Variants in URB1 observed in about 807,000 individuals in gnomAD.
URB1 encodes the protein URB1 ribosome biogenesis factor, also known as nucleolar pre-ribosomal-associated protein 1.
A neutral mutation model predicts 242.3 loss-of-function variants in URB1; 197 were observed. That is an observed-to-expected ratio of 0.81 (90% CI 0.72 to 0.91). The LOEUF is 0.91. URB1 is among the 40% of genes least tolerant of loss of function. The probability of loss-of-function intolerance (pLI) is 0.00; values close to 1 mark genes in which losing one functional copy is unlikely to be tolerated. For synonymous variants in URB1, 1,153 were observed against 1,201.8 expected (o/e 0.96, Z 0.84); for missense variants, 2,721 against 2,860.5 (o/e 0.95, Z 1.11).
Position 32,368,446 on chromosome 21 carries a change from C to T in URB1, c.1154G>A (p.Arg385Gln), listed in dbSNP as rs768413956. ...ATTATTTAACCAAGTAGACTTCGCT[C>T]GTGGGATAAAGGAAAACGTTACTTC... ...FKEVTFSFIP[R>Q]AKSTWLNNIK... The change falls in exon 9 of 39, where the codon CGA becomes CAA. Residue 385 changes from arginine (R) to glutamine (Q), a missense_variant. Physicochemically the swap from Arg to Gln is conservative, Grantham distance 43. Coordinates refer to ENST00000382751, the MANE Select transcript of URB1 (RefSeq NM_014825.3). The T allele has an allele frequency of 3.9e-6, 6 of 1,550,250 alleles. No homozygotes were observed. The highest frequency in any genetic ancestry group is 2.4e-5 in the South Asian group (2 of 83,598).
At chr21:32,378,296 G>A (rs1304090984) in intron 5 of URB1, 149 bp downstream of exon 5, 9 of 677,962 alleles carry the variant, frequency 1.3e-5, no homozygotes, top group African/African-American at 3.6e-5. Context: ...CTTTGCACCC[G>A]CTCACCCACC....
intron 36 of URB1, among the ~76,000 whole-genome samples, chr21:32,318,940 G>A (rs1282462202): frequency 2.0e-5 from 3 of 152,014 alleles, no homozygotes; most frequent in Non-Finnish European, 2.9e-5. Flanking sequence ...AAATGACCTC[G>A]TACGATGCAC....
chr21:32,349,495 A>C lies in URB1; in HGVS notation c.2833-12T>G. 6.5e-7 allele frequency: 1 copy of C among 1,536,458 alleles called. No individual in the cohort carries two copies. The highest frequency in any genetic ancestry group is 1.4e-5 in the African/African-American group (1 of 72,568). On this transcript the variant is annotated splice_polypyrimidine_tract_variant and intron_variant, in intron 20 of 38. Transcript: ENST00000382751. ...ACACTTCTGCCCAGCTGTGAGGACA[A>C]GAGCACGAGCCTCAGCAGGGAAGAG...
chr21:32,375,021 A>C (rs182964473), intron 6 of URB1, among the ~76,000 whole-genome samples: 8 of 152,364 alleles, frequency 5.3e-5, no homozygotes, highest in Admixed American at 3.9e-4. Context: ...AGATGCTTGC[A>C]AAAGGCAGAA....
chr21:32,349,171 T>C, intron 21 of URB1, 133 bp downstream of exon 21: 1 of 1,258,166 alleles, frequency 7.9e-7, no homozygotes. Flanking sequence ...AGGAAGTTTT[T>C]ATGATCTCTG....
chr21:32,364,762 A>G (rs2033326743), intron 10 of URB1, among the ~76,000 whole-genome samples: 1 of 151,178 alleles, frequency 6.6e-6, no homozygotes, highest in Non-Finnish European at 1.5e-5. Flanking sequence ...TATGCTTTAA[A>G]AGTTTTTTAG....
chr21:32,328,761 C>T (rs902130653), intron 30 of URB1, among the ~76,000 whole-genome samples: 5 of 152,184 alleles, frequency 3.3e-5, no homozygotes, highest in African/African-American at 1.2e-4. Context: ...GTTTTGTGCT[C>T]ATCTCTGCTA....
chr21:32,389,234 C>T (rs1456257003), intron 1 of URB1, among the ~76,000 whole-genome samples: 2 of 152,080 alleles, frequency 1.3e-5, no homozygotes, highest in East Asian at 1.9e-4. Flanking sequence ...CTGGAGGGTA[C>T]ACTGGAGCCA....
Position 32,338,724 on chromosome 21 carries a change from G to A in URB1, c.4493C>T (p.Pro1498Leu), listed in dbSNP as rs747720486. 1.0e-5 allele frequency: 16 copies of A among 1,551,232 alleles called. 1 individual carries two copies. The highest frequency in any genetic ancestry group is 7.1e-5 in the South Asian group (6 of 84,020). The part of the protein sequence containing the change: ...TLLTSDGEES[P>L]DSQVKEALVD... ...GGGGTCACCTTTTACTTGGCTGTCC[G>A]GGCTCTCCTCTCCGTCAGACGTCAG... Residue 1498 changes from proline (P) to leucine (L), a missense_variant, in exon 26 of 39, where the codon CCG becomes CTG. Transcript: ENST00000382751.
At chr21:32,364,922 G>GTGGCCC (rs113081063) in intron 10 of URB1, among the ~76,000 whole-genome samples, 4,974 of 152,364 alleles carry the variant, frequency 0.033, 264 homozygotes, top group African/African-American at 0.11. Context: ...GCTGGGCTCA[G>GTGGCCC]TGGCCCTGGC....
chr21:32,337,284 C>T lies in URB1; in HGVS notation c.4621+120G>A, dbSNP rs1423855383. 9.8e-6 allele frequency: 13 copies of T among 1,332,324 alleles called. No homozygotes were observed. In the East Asian group the frequency reaches 1.3e-4, roughly 13 times the overall value. 82.5% of individuals were successfully genotyped at this position (1,332,324 alleles called of 1,614,324 possible). Reference sequence around the variant, plus strand: ...CCTCATATCTTCACCCTGCTTGCACCGCCTGGTCTCACTGTCTCCTCCTGC... The same window carrying T: ...CCTCATATCTTCACCCTGCTTGCACTGCCTGGTCTCACTGTCTCCTCCTGC... On this transcript the variant is annotated intron_variant, in intron 27 of 38. Transcript: ENST00000382751.
At chr21:32,322,159 A>G (rs1480650967) in intron 33 of URB1, among the ~76,000 whole-genome samples, 1 of 152,254 alleles carries the variant, frequency 6.6e-6, no homozygotes, top group African/African-American at 2.4e-5. Flanking sequence ...CTGAAGTCAG[A>G]TAAGTATTCT....
At position 32,352,828 on chromosome 21, in the gene URB1, A is replaced by C; in HGVS notation, c.2495T>G (p.Leu832Arg). 1 of 1,551,708 alleles carries C rather than the reference A, an allele frequency of 6.4e-7. No individual in the cohort carries two copies. Among genetic ancestry groups the C allele is most frequent in the Non-Finnish European group, 8.7e-7 (1 of 1,147,000 alleles). ...AAGCTTATCATATGCCTGGAGCAGG[A>C]GACACAGAGCCAGGGGGTCCCTCTG... ...HTQRDPLALC[L>R]LLQAYDKLEP... Residue 832 changes from leucine (L) to arginine (R), a missense_variant, in exon 19 of 39, where the codon CTC (leucine) becomes CGC (arginine). Coordinates refer to ENST00000382751, the MANE Select transcript of URB1 (RefSeq NM_014825.3).
chr21:32,353,839 G>A (rs1019147247), intron 18 of URB1, 94 bp downstream of exon 18: 7 of 1,412,350 alleles, frequency 5.0e-6, no homozygotes, highest in Non-Finnish European at 6.6e-6. Flanking sequence ...TGGATTCTCA[G>A]CAATTGATCC....
chr21:32,341,945 T>C (rs1440923354), intron 24 of URB1, among the ~76,000 whole-genome samples: 1 of 152,166 alleles, frequency 6.6e-6, no homozygotes, highest in Non-Finnish European at 1.5e-5. Flanking sequence ...TTAGAGCACT[T>C]AGAGCCATGT....
intron 8 of URB1, among the ~76,000 whole-genome samples, chr21:32,371,569 G>T (rs1057338180): frequency 6.6e-6 from 1 of 152,264 alleles, no homozygotes; most frequent in Admixed American, 6.5e-5. Context: ...CACGTCCAAA[G>T]TCATAAGCAG....
rs550913184 is a variant in URB1 at position 32,340,470 on chromosome 21, G to A, written c.4316+996C>T. ...CTACTAAAAATACAAAAAATTAGCC[G>A]AGCATGGTGGTGCGTGCCTGTGGAC... On this transcript the variant is annotated intron_variant, in intron 25 of 38. Transcript: ENST00000382751. Among the ~76,000 whole-genome samples the A allele has an allele frequency of 4.6e-5, 7 of 152,212 alleles. No individual in the cohort carries two copies. The East Asian group carries it at 5.8e-4, about 13-fold the overall frequency.
chr21:32,385,242 A>C (rs909924011), intron 2 of URB1, among the ~76,000 whole-genome samples: 2 of 152,188 alleles, frequency 1.3e-5, no homozygotes, highest in African/African-American at 4.8e-5. Flanking sequence ...GTGACACCAC[A>C]TGTTTATGTG....
rs571229161 is a variant in URB1, at chr21:32,369,166, G to C, written c.1002-568C>G. Among the ~76,000 whole-genome samples the C allele has an allele frequency of 3.8e-4, 58 of 152,202 alleles. No homozygotes were observed. In the Middle Eastern group the frequency reaches 0.01, roughly 27 times the overall value. On this transcript the variant is annotated intron_variant, in intron 8 of 38. Transcript: ENST00000382751. ...AAGACCTTGGCCTTGAACTATGTTG[G>C]CTTGGTCAACATAGTGAAACCCTAT...
Sources: gnomAD v4.1 joint callset for allele counts (sites outside exome capture counted in the v4.1 genomes callset) on GRCh38, gnomAD v4.1.1 for gene constraint, MANE v1.5 for transcripts, NCBI Gene and HGNC (gene_info 2026-07-23, HGNC 2026-07-21) for gene names.